Variants in POU6F2 observed in about 807,000 individuals in gnomAD.
The protein encoded by POU6F2 is POU class 6 homeobox 2.
In POU6F2, 31 loss-of-function variants were observed where a neutral mutation model predicts 71.3. That is an observed-to-expected ratio of 0.43 (90% CI 0.33 to 0.59). POU6F2 has a LOEUF of 0.59. Ranked by LOEUF, POU6F2 falls within the 20% of genes least tolerant of loss-of-function variation. POU6F2 has a pLI of 0.04. For synonymous variants in POU6F2, 347 were observed against 355.7 expected, an observed-to-expected ratio of 0.98 and a Z score of 0.27; for missense variants, 783 against 856.8, an observed-to-expected ratio of 0.91 and a Z score of 1.07.
intron 2 of POU6F2, among the ~76,000 whole-genome samples, chr7:39,128,381 A>G (rs1370302240): frequency 6.6e-6 from 1 of 152,206 alleles, no homozygotes; most frequent in Non-Finnish European, 1.5e-5. Context: ...TGCCTCCCAA[A>G]TGTACAGGAG....
chr7:39,165,330 T>G (rs924641267), intron 2 of POU6F2, among the ~76,000 whole-genome samples: 5 of 152,202 alleles, frequency 3.3e-5, no homozygotes, highest in Non-Finnish European at 5.9e-5. Flanking sequence ...TGAATTTATT[T>G]CCACTAAAAT....
chr7:39,015,518 A>T (rs12701688), intron 1 of POU6F2, among the ~76,000 whole-genome samples: 16,719 of 44,674 alleles, frequency 0.37, 2,966 homozygotes, highest in South Asian at 0.45. Flanking sequence ...TATATATATA[A>T]TATATCTATG....
chr7:38,984,885 T>C (rs1198286312), intron 1 of POU6F2: 1 of 152,140 alleles, frequency 6.6e-6, no homozygotes, highest in Non-Finnish European at 1.5e-5. Context: ...ACCTGTTAAA[T>C]GGTGTTTTTA....
At chr7:39,100,902 T>C (rs753336731) in intron 2 of POU6F2, among the ~76,000 whole-genome samples, 10 of 152,158 alleles carry the variant, frequency 6.6e-5, no homozygotes, top group Non-Finnish European at 1.3e-4. Flanking sequence ...AAGGTTGGGC[T>C]ACCTCGTACA....
At chr7:39,113,711 T>G (rs1277006725) in intron 2 of POU6F2, among the ~76,000 whole-genome samples, 1 of 152,156 alleles carries the variant, frequency 6.6e-6, no homozygotes, top group Non-Finnish European at 1.5e-5. Context: ...TAGTTTATCT[T>G]TAGTTTCTGC....
chr7:39,352,978 C>T (rs1435917659), intron 5 of POU6F2, among the ~76,000 whole-genome samples: 1 of 152,182 alleles, frequency 6.6e-6, no homozygotes, highest in Non-Finnish European at 1.5e-5. Flanking sequence ...CAAGATTTAG[C>T]TCCCACCTGT....
chr7:39,405,228 A>G (rs117513580), intron 5 of POU6F2, among the ~76,000 whole-genome samples: 1,532 of 152,302 alleles, frequency 0.01, 25 homozygotes, highest in Admixed American at 0.034. Flanking sequence ...GTCCTTTTTG[A>G]TGTTTTCTCT....
In POU6F2 at chr7:39,227,683, T is replaced by C. The variant is rs759226040; in HGVS notation, c.598+20063T>C. ...CATTCTCCTGCCTCAGCCTCCCGAG[T>C]AGCTGGGGCTACAGGCATCCGCCAC... is the stretch of plus-strand genomic sequence containing the variant. On this transcript the variant is annotated intron_variant, in intron 4 of 9. Transcript: ENST00000518318. 9.6e-4 allele frequency among the ~76,000 whole-genome samples: 145 copies of C among 151,738 alleles called. No individual in the cohort carries two copies. The Middle Eastern group carries it at 0.01, about 11-fold the overall frequency.
intron 5 of POU6F2, among the ~76,000 whole-genome samples, chr7:39,379,500 G>A (rs967288311): frequency 6.6e-6 from 1 of 151,946 alleles, no homozygotes; most frequent in East Asian, 1.9e-4. Context: ...CCTTCCTCAA[G>A]CTCCAATCCT....
intron 4 of POU6F2, among the ~76,000 whole-genome samples, chr7:39,245,379 C>T (rs562798980): frequency 6.6e-6 from 1 of 152,300 alleles, no homozygotes; most frequent in South Asian, 2.1e-4. Flanking sequence ...TTCACTTTTA[C>T]ACCTAGGCAT....
chr7:39,433,113 C>T lies in POU6F2; in HGVS notation c.1150C>T (p.Pro384Ser), dbSNP rs750163315. Reference sequence around the variant, plus strand: ...CATTCCACTGATGCCTAATCCAGGGCCATCGAGCCAAGCAGCAAGCGGCAC... The same window carrying T: ...CATTCCACTGATGCCTAATCCAGGGTCATCGAGCCAAGCAGCAAGCGGCAC... The part of the protein sequence containing the change: ...GTIPLMPNPG[P>S]SSQAASGTQG... Residue 384 changes from proline to serine, a missense_variant, in exon 7 of 10, where the codon CCA (proline) becomes TCA (serine). Around this residue, in one of 2 missense-constraint regions of POU6F2, gnomAD observed 572 missense variants for 572.9 expected, o/e 1.00. Coordinates refer to ENST00000518318, the MANE Select transcript of POU6F2 (RefSeq NM_001370959.1). 5.0e-6 allele frequency: 8 copies of T among 1,613,508 alleles called. No individual in the cohort carries two copies. The South Asian group carries it at 6.6e-5, about 13-fold the overall frequency.
At chr7:39,155,205 G>C (rs1792844708) in intron 2 of POU6F2, among the ~76,000 whole-genome samples, 2 of 135,314 alleles carry the variant, frequency 1.5e-5, no homozygotes, top group Admixed American at 7.9e-5. Flanking sequence ...CTTTTAAAAA[G>C]AAATAATTCC....
chr7:39,399,872 G>A (rs67649032), intron 5 of POU6F2, among the ~76,000 whole-genome samples: 2,332 of 46,560 alleles, frequency 0.05, 62 homozygotes, highest in African/African-American at 0.18. Flanking sequence ...AAAAAAAAAA[G>A]AAAGAAAGAA....
At chr7:39,327,298 A>G (rs1346022811) in intron 4 of POU6F2, among the ~76,000 whole-genome samples, 2 of 151,794 alleles carry the variant, frequency 1.3e-5, no homozygotes, top group East Asian at 3.9e-4. Flanking sequence ...AAAAACAGAA[A>G]TTCATACGCA....
chr7:39,240,683 A>G (rs987689764), intron 4 of POU6F2, among the ~76,000 whole-genome samples: 1 of 152,162 alleles, frequency 6.6e-6, no homozygotes, highest in Non-Finnish European at 1.5e-5. Flanking sequence ...AGTAGGTACT[A>G]AAAAAGTATT....
intron 6 of POU6F2, among the ~76,000 whole-genome samples, chr7:39,418,043 A>C (rs1178680588): frequency 2.0e-5 from 3 of 152,232 alleles, no homozygotes; most frequent in Non-Finnish European, 4.4e-5. Context: ...TACCACACAC[A>C]ATATGGTTTA....
chr7:39,350,968 G>A (rs764377764), intron 5 of POU6F2, among the ~76,000 whole-genome samples: 3 of 152,214 alleles, frequency 2.0e-5, no homozygotes, highest in East Asian at 1.9e-4. Context: ...TTGGCTGTAC[G>A]CTGGGAACAC....
chr7:39,340,752 C>CATAT (rs149719876), intron 5 of POU6F2, among the ~76,000 whole-genome samples: 137 of 35,810 alleles, frequency 3.8e-3, no homozygotes, highest in Non-Finnish European at 5.6e-3. Flanking sequence ...TAGGTGCATT[C>CATAT]ATATATATAT....
chr7:39,291,955 T>C (rs1235119712), intron 4 of POU6F2, among the ~76,000 whole-genome samples: 1 of 151,892 alleles, frequency 6.6e-6, no homozygotes, highest in Non-Finnish European at 1.5e-5. Context: ...CCTTTTTTTT[T>C]TTTTTTAATA....
Sources: allele counts gnomAD v4.1 joint callset (sites outside exome capture counted in the v4.1 genomes callset), GRCh38; gene constraint gnomAD v4.1.1; regional missense constraint gnomAD v4.1.1; transcripts MANE v1.5; gene names NCBI Gene and HGNC (gene_info 2026-07-23, HGNC 2026-07-21).